The following CLTCL1 variants were observed in gnomAD, a reference collection of about 807,000 sequenced individuals.
CLTCL1 encodes clathrin heavy chain 2.
CLTCL1 carries 159 observed loss-of-function variants against 190.0 expected under a neutral mutation model. The ratio of observed to expected loss-of-function variants is 0.84; its 90% confidence interval spans 0.74 to 0.95. The LOEUF is 0.95. CLTCL1 is among the 40% of genes least tolerant of loss of function. The pLI is 0.00. For missense variants in CLTCL1, 1,878 were observed against 2,033.4 expected, an observed-to-expected ratio of 0.92 and a Z score of 1.47; for synonymous variants, 752 against 769.6, an observed-to-expected ratio of 0.98 and a Z score of 0.38.
intron 1 of CLTCL1, among the ~76,000 whole-genome samples, chr22:19,279,310 A>G (rs901957036): frequency 6.8e-6 from 1 of 148,094 alleles, no homozygotes; most frequent in Non-Finnish European, 1.5e-5. Flanking sequence ...TGATTTTTGT[A>G]ATTTTTAGTA....
chr22:19,225,501 C>G lies in CLTCL1; in HGVS notation c.2080G>C (p.Gly694Arg). Reference sequence around the variant, plus strand: ...AAGAGCTCCACCAGGGCCTGCGTGCCCAGCTGCTCGTGGTACTTAGAGGCC... The same window carrying G: ...AAGAGCTCCACCAGGGCCTGCGTGCGCAGCTGCTCGTGGTACTTAGAGGCC... ...QVASKYHEQL[G>R]TQALVELFES... Residue 694 changes from glycine to arginine, a missense_variant, in exon 13 of 33, where the codon GGC becomes CGC. Gly to Arg is a moderately radical substitution (Grantham distance 125). Transcript: ENST00000427926. 6.3e-7 allele frequency: 1 copy of G among 1,587,908 alleles called. No individual in the cohort carries two copies. Among genetic ancestry groups the G allele is most frequent in the Non-Finnish European group, 8.6e-7 (1 of 1,166,530 alleles).
At chr22:19,213,577 A>G (rs1555948018) in intron 19 of CLTCL1, among the ~76,000 whole-genome samples, 1 of 152,212 alleles carries the variant, frequency 6.6e-6, no homozygotes, top group Non-Finnish European at 1.5e-5. Context: ...CGTACAACAG[A>G]ATATCATTCA....
chr22:19,269,100 A>G (rs1357365819), intron 2 of CLTCL1, among the ~76,000 whole-genome samples: 1 of 151,346 alleles, frequency 6.6e-6, no homozygotes, highest in African/African-American at 2.4e-5. Context: ...AAAAAAAAAA[A>G]AGAAGAAAAA....
intron 19 of CLTCL1, among the ~76,000 whole-genome samples, chr22:19,211,689 C>T (rs2085226090): frequency 6.6e-6 from 1 of 151,446 alleles, no homozygotes; most frequent in East Asian, 1.9e-4. Context: ...ATGGCACGAA[C>T]CCAGGAGGCA....
intron 1 of CLTCL1, among the ~76,000 whole-genome samples, chr22:19,285,477 A>G (rs951939267): frequency 5.3e-5 from 8 of 152,160 alleles, no homozygotes; most frequent in Admixed American, 1.3e-4. Flanking sequence ...TTACACTATT[A>G]CAGGTTTTCT....
chr22:19,248,627 C>G (rs541089428), intron 3 of CLTCL1, among the ~76,000 whole-genome samples: 12 of 152,328 alleles, frequency 7.9e-5, no homozygotes, highest in African/African-American at 2.6e-4. Context: ...GTCAGACTAT[C>G]CTGAACATTT....
At chr22:19,222,633 C>T (rs367599633) in intron 15 of CLTCL1, 51 bp downstream of exon 15, 4 of 1,564,020 alleles carry the variant, frequency 2.6e-6, no homozygotes, top group Non-Finnish European at 3.5e-6. Context: ...AAGACTGCCA[C>T]TGACTGGGGC....
chr22:19,223,976 C>T lies in CLTCL1; in HGVS notation c.2207G>A (p.Cys736Tyr), dbSNP rs1362373511. The change falls in exon 14 of 33, where the codon TGT becomes TAT. Residue 736 changes from cysteine (C) to tyrosine (Y), a missense_variant. Coordinates refer to ENST00000427926, the MANE Select transcript of CLTCL1 (RefSeq NM_007098.4). ...DVHLKYIQAA[C>Y]KTGQIKEVER... ...CACCTCCTTGATCTGCCCTGTCTTA[C>T]AGGCAGCCTGAATGTATTTCAGATG... 1.9e-6 allele frequency: 3 copies of T among 1,613,862 alleles called. No homozygotes were observed. Among genetic ancestry groups the T allele is most frequent in the African/African-American group, 2.7e-5 (2 of 74,924 alleles).
chr22:19,210,179 T>G, intron 20 of CLTCL1, 147 bp downstream of exon 20: 2 of 671,652 alleles, frequency 3.0e-6, no homozygotes, highest in South Asian at 2.3e-5. Flanking sequence ...GGAAGATGGG[T>G]TGCTGGTGAG....
At chr22:19,285,436 TTA>T (rs1555989604) in intron 1 of CLTCL1, among the ~76,000 whole-genome samples, 1 of 152,178 alleles carries the variant, frequency 6.6e-6, no homozygotes, top group East Asian at 1.9e-4. Flanking sequence ...TTAACTACAT[TTA>T]TATAATGCTT....
At chr22:19,220,740 C>G (rs1441751230) in intron 17 of CLTCL1, among the ~76,000 whole-genome samples, 4 of 152,238 alleles carry the variant, frequency 2.6e-5, no homozygotes, top group Non-Finnish European at 4.4e-5. Context: ...GCTGGTGTGG[C>G]ACCAACCTCA....
intron 9 of CLTCL1, 199 bp downstream of exon 9, chr22:19,232,967 G>C: frequency 1.6e-6 from 1 of 624,800 alleles, no homozygotes; most frequent in Non-Finnish European, 2.7e-6. Context: ...AACGAAGATG[G>C]AAGGACTGGA....
Position 19,275,828 on chromosome 22 carries a change from G to C in CLTCL1, c.45C>G (p.Leu15=), listed in dbSNP as rs201400090. The C allele has an allele frequency of 1.3e-6, 2 of 1,586,388 alleles. No individual in the cohort carries two copies. The highest frequency in any genetic ancestry group is 3.6e-5 in the Admixed American group (2 of 55,110). ...TAGCTGGATTAATTCCAAGGTTTTG[G>C]AGCTAAACAGAAAAAAAGCATTTGA... ...LPVRFQEHFQ[L]QNLGINPANI... The change falls in exon 2 of 33, where the codon CTC becomes CTG. Residue 15 remains leucine (L), a splice_region_variant and synonymous_variant. Transcript: ENST00000427926.
chr22:19,213,008 T>C (rs969041088), intron 19 of CLTCL1, among the ~76,000 whole-genome samples: 1 of 152,232 alleles, frequency 6.6e-6, no homozygotes, highest in Admixed American at 6.5e-5. Context: ...ACTTTTGTTC[T>C]GTTAATGACA....
intron 2 of CLTCL1, among the ~76,000 whole-genome samples, chr22:19,259,678 G>C (rs1379694256): frequency 6.6e-6 from 1 of 152,102 alleles, no homozygotes; most frequent in Non-Finnish European, 1.5e-5. Flanking sequence ...CTGCTCCACT[G>C]ACTGGCCATG....
intron 2 of CLTCL1, among the ~76,000 whole-genome samples, chr22:19,262,889 G>A (rs1242205914): frequency 1.3e-5 from 2 of 151,790 alleles, no homozygotes; most frequent in Non-Finnish European, 2.9e-5. Flanking sequence ...AAATTAGCTG[G>A]GCGTGGTCGC....
chr22:19,291,526 C>G (rs2088123774), intron 1 of CLTCL1, 74 bp downstream of exon 1: 1 of 1,243,700 alleles, frequency 8.0e-7, no homozygotes, highest in Non-Finnish European at 1.0e-6. Flanking sequence ...GCTGGGGGCG[C>G]GGGGTCAAGC....
At chr22:19,234,480 A>C in intron 7 of CLTCL1, 29 bp downstream of exon 7, 1 of 1,571,420 alleles carries the variant, frequency 6.4e-7, no homozygotes, top group African/African-American at 1.4e-5. Context: ...AACACTCAGA[A>C]CACTTGAACA....
chr22:19,247,456 A>G (rs1270832610), intron 3 of CLTCL1, among the ~76,000 whole-genome samples: 1 of 152,202 alleles, frequency 6.6e-6, no homozygotes, highest in Non-Finnish European at 1.5e-5. Flanking sequence ...ACATGTAACT[A>G]TGATTTATAA....
Sources: allele counts gnomAD v4.1 joint callset (sites outside exome capture counted in the v4.1 genomes callset), GRCh38; gene constraint gnomAD v4.1.1; transcripts MANE v1.5; gene names NCBI Gene and HGNC (gene_info 2026-07-23, HGNC 2026-07-21).